Variants in ZNF143 observed in about 807,000 individuals in gnomAD.
ZNF143 encodes zinc finger protein 143.
Under a neutral mutation model 74.1 loss-of-function variants are expected in ZNF143, and 49 were observed. The ratio of observed to expected loss-of-function variants is 0.66; its 90% CI spans 0.53 to 0.84. The LOEUF (loss-of-function observed/expected upper bound fraction) is 0.84. Ranked by LOEUF, ZNF143 falls within the 40% of genes least tolerant of loss-of-function variation. ZNF143 has a pLI of 0.00. For missense variants in ZNF143, 637 were observed against 793.4 expected (o/e 0.80, Z 2.37); for synonymous variants, 304 against 282.8 (o/e 1.07, Z -0.75).
chr11:9,462,004 G>T (rs915700583), intron 1 of ZNF143: 1 of 152,218 alleles, frequency 6.6e-6, no homozygotes, highest in Non-Finnish European at 1.5e-5. Flanking sequence ...AATCTTACCA[G>T]AAGATACTTG....
At chr11:9,467,963 T>C (rs563901933) in intron 1 of ZNF143, among the ~76,000 whole-genome samples, 5 of 152,038 alleles carry the variant, frequency 3.3e-5, no homozygotes, top group African/African-American at 4.8e-5. Flanking sequence ...GGTGATAAAA[T>C]AGTAGCATAT....
chr11:9,488,978 A>T (rs1270588277), intron 7 of ZNF143, among the ~76,000 whole-genome samples: 2 of 152,206 alleles, frequency 1.3e-5, no homozygotes, highest in African/African-American at 2.4e-5. Context: ...AACATTTCCA[A>T]TACAAGGGGA....
intron 2 of ZNF143, among the ~76,000 whole-genome samples, chr11:9,472,076 C>T (rs1856609063): frequency 6.6e-6 from 1 of 150,884 alleles, no homozygotes; most frequent in African/African-American, 2.4e-5. Context: ...CTACAGGCAC[C>T]CACCAGCGTG....
intron 7 of ZNF143, among the ~76,000 whole-genome samples, chr11:9,480,526 A>G (rs1157793809): frequency 1.3e-5 from 2 of 152,230 alleles, no homozygotes; most frequent in Non-Finnish European, 2.9e-5. Flanking sequence ...GGGGTTATCA[A>G]GAAGATTTTA....
intron 13 of ZNF143, among the ~76,000 whole-genome samples, chr11:9,515,458 T>C (rs1394450023): frequency 2.0e-5 from 3 of 151,258 alleles, no homozygotes; most frequent in Admixed American, 6.6e-5. Flanking sequence ...GACCGGCTTG[T>C]CTAACACGGT....
intron 5 of ZNF143, among the ~76,000 whole-genome samples, chr11:9,476,861 A>G (rs557973638): frequency 4.1e-5 from 5 of 122,650 alleles, no homozygotes; most frequent in African/African-American, 9.3e-5. Context: ...CTGGGTTCAC[A>G]CCATTCTCCT....
chr11:9,469,986 A>G (rs758229080), intron 1 of ZNF143, among the ~76,000 whole-genome samples: 1 of 152,270 alleles, frequency 6.6e-6, no homozygotes, highest in African/African-American at 2.4e-5. Flanking sequence ...AAAGAATTAC[A>G]AATTATTACT....
chr11:9,497,526 C>G (rs1006285175), intron 9 of ZNF143, 149 bp from the exon 10 acceptor site: 2 of 610,932 alleles, frequency 3.3e-6, no homozygotes, highest in Non-Finnish European at 5.1e-6. Flanking sequence ...CCACCGTGCC[C>G]GGCCCTTTTG....
At chr11:9,486,408 ATATAATATATATTATATATATT>A (rs1565039082) in intron 7 of ZNF143, among the ~76,000 whole-genome samples, 3 of 26,336 alleles carry the variant, frequency 1.1e-4, no homozygotes, top group Non-Finnish European at 2.0e-4. Flanking sequence ...TATATTATAT[ATATAATATATATTATATATATT>A]ATATATATAA....
chr11:9,474,643 C>A lies in ZNF143; in HGVS notation c.373+10C>A, dbSNP rs747673912. The A allele has an allele frequency of 1.9e-6, 3 of 1,613,076 alleles. No individual in the cohort carries two copies. Among genetic ancestry groups the A allele is most frequent in the Non-Finnish European group, 2.5e-6 (3 of 1,179,142 alleles). On this transcript the variant is annotated intron_variant, in intron 5 of 15. Transcript: ENST00000396602. ...CACCACACCTCCAAAGGTAAAATAA[C>A]TTTGAAAGTATGAATAAAATAAGGG...
intron 1 of ZNF143, among the ~76,000 whole-genome samples, chr11:9,467,845 CAAAAAA>C (rs971001404): frequency 5.0e-5 from 4 of 79,916 alleles, no homozygotes; most frequent in Non-Finnish European, 8.8e-5. Flanking sequence ...ACTCCATCTC[CAAAAAA>C]AAAAAAAAAA....
chr11:9,491,450 C>CA (rs1847771588), intron 7 of ZNF143, among the ~76,000 whole-genome samples: 1 of 151,902 alleles, frequency 6.6e-6, no homozygotes, highest in Non-Finnish European at 1.5e-5. Context: ...TCCTGGCTAA[C>CA]ACGGTGAAAC....
At chr11:9,494,399 C>T (rs1342474198) in intron 7 of ZNF143, among the ~76,000 whole-genome samples, 3 of 152,156 alleles carry the variant, frequency 2.0e-5, no homozygotes, top group Admixed American at 6.5e-5. Flanking sequence ...TTGACCTCCC[C>T]GGGCTCAGGT....
rs751722157 is a variant in ZNF143 at position 9,497,721 on chromosome 11, A to C, written c.888A>C (p.Pro296=). Residue 296 remains proline, a synonymous_variant, in exon 10 of 16, where the codon CCA becomes CCC. Transcript: ENST00000396602. ...TCAGAACTCATACAGGAGAAAAGCC[A>C]TATCGGTGTTCGGAAGATAATTGTA... The part of the protein sequence containing the change: ...SHVRTHTGEK[P]YRCSEDNCTK... 1.9e-6 allele frequency: 3 copies of C among 1,610,116 alleles called. No individual in the cohort carries two copies. The highest frequency in any genetic ancestry group is 2.5e-6 in the Non-Finnish European group (3 of 1,176,842).
intron 13 of ZNF143, among the ~76,000 whole-genome samples, chr11:9,514,040 G>A (rs921440021): frequency 3.3e-5 from 5 of 152,144 alleles, no homozygotes; most frequent in African/African-American, 9.7e-5. Context: ...CTACAGGTGT[G>A]TACCACCACA....
chr11:9,483,876 A>T (rs1330052033), intron 7 of ZNF143, among the ~76,000 whole-genome samples: 1 of 149,808 alleles, frequency 6.7e-6, no homozygotes, highest in Non-Finnish European at 1.5e-5. Context: ...CAGCCTCACG[A>T]GTAGCTGGGA....
intron 10 of ZNF143, among the ~76,000 whole-genome samples, chr11:9,500,805 C>T (rs931366791): frequency 6.6e-6 from 1 of 152,038 alleles, no homozygotes; most frequent in African/African-American, 2.4e-5. Context: ...TTATGTTTTT[C>T]TCTCTGCTTT....
rs1345366194 is a variant in ZNF143, at chr11:9,506,869, A to G, written c.1148-1750A>G. Among the ~76,000 whole-genome samples the G allele has an allele frequency of 3.3e-5, 5 of 152,002 alleles. No homozygotes were observed. The South Asian group carries it at 1.0e-3, about 32-fold the overall frequency. ...ATGACCCAGGTGAAGCTATGTAACT[A>G]GCCAGTAAGGGAGCTCAAAAGCTCA... On this transcript the variant is annotated intron_variant, in intron 11 of 15. Transcript: ENST00000396602.
At chr11:9,515,477 G>A (rs570936490) in intron 13 of ZNF143, among the ~76,000 whole-genome samples, 2 of 151,424 alleles carry the variant, frequency 1.3e-5, no homozygotes, top group South Asian at 4.2e-4. Context: ...GTGAAACCTC[G>A]TCTCTACTAA....
Sources: gnomAD v4.1 joint callset for allele counts (sites outside exome capture counted in the v4.1 genomes callset) on GRCh38, gnomAD v4.1.1 for gene constraint, MANE v1.5 for transcripts, NCBI Gene and HGNC (gene_info 2026-07-23, HGNC 2026-07-21) for gene names.